The following GPM6A variants were observed in gnomAD, a reference collection of about 807,000 sequenced individuals.
GPM6A encodes glycoprotein M6A.
Under a neutral mutation model 32.1 loss-of-function variants are expected in GPM6A, and 7 were observed. That is an observed-to-expected ratio of 0.22 (90% CI 0.12 to 0.41). The LOEUF is 0.41. Ranked by LOEUF, GPM6A falls within the 10% of genes least tolerant of loss-of-function variation. The probability of loss-of-function intolerance (pLI) is 1.00; values close to 1 mark genes in which losing one functional copy is unlikely to be tolerated. For missense variants in GPM6A, 235 were observed against 347.2 expected, an observed-to-expected ratio of 0.68 and a Z score of 2.57; for synonymous variants, 130 against 123.4, an observed-to-expected ratio of 1.05 and a Z score of -0.35.
intron 1 of GPM6A, among the ~76,000 whole-genome samples, chr4:175,980,190 CA>C (rs1382240254): frequency 2.6e-4 from 40 of 152,198 alleles, no homozygotes; most frequent in African/African-American, 9.1e-4. Context: ...CAAGACTCTA[CA>C]AAAACTACAG....
chr4:175,925,850 C>CT (rs60669466), intron 1 of GPM6A, among the ~76,000 whole-genome samples: 17,760 of 135,058 alleles, frequency 0.13, 1,195 homozygotes, highest in South Asian at 0.17. Context: ...CTTTTCTTTT[C>CT]TTTTTTTTTT....
intron 3 of GPM6A, among the ~76,000 whole-genome samples, chr4:175,656,975 T>C (rs1742118904): frequency 6.6e-6 from 1 of 152,196 alleles, no homozygotes; most frequent in South Asian, 2.1e-4. Flanking sequence ...ATGAATAAAA[T>C]GGATGTTCTG....
At chr4:175,835,187 C>G (rs769076260) in intron 1 of GPM6A, among the ~76,000 whole-genome samples, 7 of 152,130 alleles carry the variant, frequency 4.6e-5, no homozygotes, top group Non-Finnish European at 7.3e-5. Flanking sequence ...CTCCTTTGGA[C>G]CCTATCGATA....
intron 2 of GPM6A, among the ~76,000 whole-genome samples, chr4:175,682,332 C>A (rs1261429996): frequency 1.3e-5 from 2 of 152,034 alleles, no homozygotes; most frequent in Non-Finnish European, 2.9e-5. Flanking sequence ...AATATTTAAA[C>A]AGGAAGCATA....
intron 2 of GPM6A, among the ~76,000 whole-genome samples, chr4:175,684,606 GTTGTTCCAACATCAT>G (rs1743871181): frequency 6.6e-6 from 1 of 151,940 alleles, no homozygotes. Context: ...TGGCTGTCCA[GTTGTTCCAACATCAT>G]TTATTCAAAA....
chr4:175,675,999 T>C (rs1298657633), intron 2 of GPM6A, among the ~76,000 whole-genome samples: 1 of 152,054 alleles, frequency 6.6e-6, no homozygotes, highest in Non-Finnish European at 1.5e-5. Context: ...GGGAGGTAGG[T>C]GAATCATGGG....
At chr4:175,722,510 C>T (rs1171759946) in intron 1 of GPM6A, among the ~76,000 whole-genome samples, 7 of 152,108 alleles carry the variant, frequency 4.6e-5, no homozygotes, top group African/African-American at 1.7e-4. Context: ...CACCACGGAT[C>T]GCGGCTGCAC....
chr4:175,889,518 C>CAAAAAAAAAAAAAAAAAAAAA (rs35210127), intron 1 of GPM6A, among the ~76,000 whole-genome samples: 1 of 137,018 alleles, frequency 7.3e-6, no homozygotes, highest in African/African-American at 2.9e-5. Context: ...ACCCTGTCTC[C>CAAAAAAAAAAAAAAAAAAAAA]AAAAAAAAAA....
At chr4:175,921,294 T>G (rs1368804768) in intron 1 of GPM6A, among the ~76,000 whole-genome samples, 1 of 152,152 alleles carries the variant, frequency 6.6e-6, no homozygotes, top group Non-Finnish European at 1.5e-5. Flanking sequence ...AAAAATAATA[T>G]TCCATCTCAA....
At chr4:175,803,595 A>G (rs925234916) in intron 1 of GPM6A, among the ~76,000 whole-genome samples, 1 of 152,186 alleles carries the variant, frequency 6.6e-6, no homozygotes. Flanking sequence ...CACATTAAAC[A>G]GACCTAAACC....
chr4:175,881,745 C>CA (rs928594609), intron 1 of GPM6A, among the ~76,000 whole-genome samples: 1 of 150,616 alleles, frequency 6.6e-6, no homozygotes, highest in East Asian at 2.0e-4. Context: ...ATCACAAGGA[C>CA]AAAAAACCAA....
At chr4:175,911,998 A>G (rs764383155) in intron 1 of GPM6A, among the ~76,000 whole-genome samples, 63 of 152,226 alleles carry the variant, frequency 4.1e-4, no homozygotes, top group Non-Finnish European at 8.5e-4. Context: ...AGCTGTGGCT[A>G]TATCTATACA....
chr4:175,656,258 T>C (rs1742078403), intron 3 of GPM6A, among the ~76,000 whole-genome samples: 1 of 152,128 alleles, frequency 6.6e-6, no homozygotes, highest in African/African-American at 2.4e-5. Flanking sequence ...TGATAAAGAT[T>C]GGGTGCTATA....
intron 3 of GPM6A, among the ~76,000 whole-genome samples, chr4:175,660,642 A>G (rs1742356199): frequency 6.6e-6 from 1 of 152,226 alleles, no homozygotes; most frequent in African/African-American, 2.4e-5. Context: ...ACACAAAAAG[A>G]AAGTGTTGCT....
chr4:175,689,967 G>A (rs941716069), intron 2 of GPM6A, among the ~76,000 whole-genome samples: 2 of 152,306 alleles, frequency 1.3e-5, no homozygotes, highest in Admixed American at 6.5e-5. Flanking sequence ...AGGTGAGCTA[G>A]CTTGGAAGAG....
chr4:175,978,668 G>A (rs1337426222), intron 1 of GPM6A, among the ~76,000 whole-genome samples: 1 of 152,122 alleles, frequency 6.6e-6, no homozygotes, highest in Non-Finnish European at 1.5e-5. Flanking sequence ...TCTAATTCAA[G>A]TACTTTCAAC....
chr4:175,989,928 A>T (rs1295932195), intron 1 of GPM6A, among the ~76,000 whole-genome samples: 1 of 152,208 alleles, frequency 6.6e-6, no homozygotes, highest in Non-Finnish European at 1.5e-5. Flanking sequence ...CATGTGGCAT[A>T]GCAAGAAGTG....
At chr4:175,898,254 A>G (rs886139164) in intron 1 of GPM6A, among the ~76,000 whole-genome samples, 1 of 152,172 alleles carries the variant, frequency 6.6e-6, no homozygotes, top group Non-Finnish European at 1.5e-5. Context: ...ATATCACTTC[A>G]GTGGTTCATC....
chr4:175,838,140 C>T (rs1044344839), intron 1 of GPM6A, among the ~76,000 whole-genome samples: 93 of 148,980 alleles, frequency 6.2e-4, no homozygotes, highest in African/African-American at 1.9e-3. Context: ...CACACACACA[C>T]GCACCCCTGT....
Sources: allele counts gnomAD v4.1 joint callset (sites outside exome capture counted in the v4.1 genomes callset), GRCh38; gene constraint gnomAD v4.1.1; transcripts MANE v1.5; gene names NCBI Gene and HGNC (gene_info 2026-07-23, HGNC 2026-07-21).